Variants in TRIM66 observed in about 807,000 individuals in gnomAD.
TRIM66 encodes the protein tripartite motif containing 66, also known as tripartite motif-containing protein 66.
Under a neutral mutation model 148.2 loss-of-function variants are expected in TRIM66, and 99 were observed. The observed-to-expected ratio is 0.67, with a 90% CI of 0.57 to 0.79. The LOEUF is 0.79. Among genes scored for constraint, TRIM66 ranks in the 30% least tolerant of loss-of-function variants. The pLI, the probability that TRIM66 is intolerant of heterozygous loss-of-function variation, is 0.00. For synonymous variants in TRIM66, 616 were observed against 635.9 expected, an observed-to-expected ratio of 0.97 and a Z score of 0.47; for missense variants, 1,666 against 1,697.9, an observed-to-expected ratio of 0.98 and a Z score of 0.33.
At chr11:8,653,090 C>T (rs978839144) in intron 6 of TRIM66, among the ~76,000 whole-genome samples, 3 of 152,178 alleles carry the variant, frequency 2.0e-5, no homozygotes. Flanking sequence ...ATCCTATTCA[C>T]AGTAATGCAA....
Position 8,682,630 on chromosome 11 carries a change from C to A in TRIM66, c.-577G>T, listed in dbSNP as rs972336283. 15 of 688,852 alleles carry A rather than the reference C, an allele frequency of 2.2e-5. No homozygotes were observed. Among genetic ancestry groups the A allele is most frequent in the African/African-American group, 7.2e-5 (4 of 55,458 alleles). 42.7% of individuals were successfully genotyped at this position (688,852 alleles called of 1,614,324 possible). A position where few individuals can be genotyped will look rare whatever the true frequency, so the allele number is the denominator to read the frequency against. On this transcript the variant is annotated 5_prime_UTR_variant, in exon 1 of 25. Coordinates refer to ENST00000646038, the MANE Select transcript of TRIM66 (RefSeq NM_001388022.1). ...ACCGTACACCGCCACCAGGACACTC[C>A]GTGATGGGGGATCACCACCCTCAGA...
At chr11:8,654,916 A>C (rs1221531175) in intron 6 of TRIM66, among the ~76,000 whole-genome samples, 1 of 152,066 alleles carries the variant, frequency 6.6e-6, no homozygotes, top group Non-Finnish European at 1.5e-5. Context: ...GGTGGACTGC[A>C]GCGGCACAAT....
chr11:8,679,714 CG>C lies in TRIM66; in HGVS notation c.-285del. On this transcript the variant is annotated 5_prime_UTR_variant, in exon 3 of 25. In the 5' UTR this introduces an upstream ATG that the reference lacks. Transcript: ENST00000646038. ...GCCAGTTTTGATGTCAAATAGACGA[CG>C]ATGTCTTCTTTGATCTCCCCTCCTA... The C allele has an allele frequency of 6.5e-6, 1 of 152,762 alleles. No individual in the cohort carries two copies. The highest frequency in any genetic ancestry group is 1.9e-4 in the East Asian group (1 of 5,180). The allele number at this position is 152,762 out of a possible 1,614,324, so 9.5% of individuals were successfully genotyped here.
Position 8,626,677 on chromosome 11 carries a change from T to C in TRIM66, c.2311-1449A>G, listed in dbSNP as rs565505802. Reference sequence around the variant, plus strand: ...GTAGCCTCTTCAATGGAGAAGTATTTTCAAAACACGGATCCGATCACATCA... The same window carrying C: ...GTAGCCTCTTCAATGGAGAAGTATTCTCAAAACACGGATCCGATCACATCA... On this transcript the variant is annotated intron_variant, in intron 15 of 24. Coordinates refer to ENST00000646038, the MANE Select transcript of TRIM66 (RefSeq NM_001388022.1). Among the ~76,000 whole-genome samples, 1,036 of 152,304 alleles carry C rather than the reference T, an allele frequency of 6.8e-3. 6 individuals are homozygous for C. Among genetic ancestry groups the C allele is most frequent in the Middle Eastern group, 0.034 (10 of 294 alleles).
intron 15 of TRIM66, among the ~76,000 whole-genome samples, chr11:8,628,285 A>C (rs544001824): frequency 6.6e-6 from 1 of 152,128 alleles, no homozygotes; most frequent in South Asian, 2.1e-4. Flanking sequence ...TTTCATCACT[A>C]AGTAGATTTG....
At chr11:8,664,975 A>C (rs2038497998) in intron 6 of TRIM66, among the ~76,000 whole-genome samples, 1 of 152,150 alleles carries the variant, frequency 6.6e-6, no homozygotes, top group African/African-American at 2.4e-5. Flanking sequence ...AGCAAGTAGG[A>C]GAAACAGGTT....
At chr11:8,678,729 T>C (rs544852988) in intron 3 of TRIM66, among the ~76,000 whole-genome samples, 34 of 152,304 alleles carry the variant, frequency 2.2e-4, no homozygotes, top group African/African-American at 8.2e-4. Context: ...AATGTCCACA[T>C]CTAAAGATGG....
intron 6 of TRIM66, among the ~76,000 whole-genome samples, chr11:8,656,555 A>G (rs2037846962): frequency 6.6e-6 from 1 of 152,234 alleles, no homozygotes; most frequent in African/African-American, 2.4e-5. Context: ...AACGGAGGAC[A>G]TTTAGTCCAT....
rs895450583 is a variant in TRIM66, at chr11:8,648,505, T to C, written c.636A>G (p.Leu212=). ...ATAGCTTGAGTACTTCCTGTGTGTG[T>C]AGAGGACAATACAAGGTGAAGTCTC... ...GPGDFTLYCP[L]HTQEVLKLFC... Residue 212 remains leucine (L), a synonymous_variant, in exon 9 of 25, where the codon CTA becomes CTG. Coordinates refer to ENST00000646038, the MANE Select transcript of TRIM66 (RefSeq NM_001388022.1). The C allele has an allele frequency of 3.2e-6, 5 of 1,551,612 alleles. No individual in the cohort carries two copies. The highest frequency in any genetic ancestry group is 1.4e-5 in the African/African-American group (1 of 73,050).
rs911999584 is a variant in TRIM66 at position 8,646,574 on chromosome 11, T to C, written c.843-13A>G. On this transcript the variant is annotated splice_polypyrimidine_tract_variant and intron_variant, in intron 10 of 24. Transcript: ENST00000646038. ...CACTTCAAAAATCCTGTAAACACAA[T>C]GGGACAAACCATGGTAAGCTTTCCT... 13 of 1,542,996 alleles carry C rather than the reference T, an allele frequency of 8.4e-6. No homozygotes were observed. Among genetic ancestry groups the C allele is most frequent in the African/African-American group, 1.4e-5 (1 of 72,878 alleles).
rs908762576 is a variant in TRIM66, at chr11:8,672,020, T to C, written c.106A>G (p.Met36Val). Reference protein sequence around the residue: ...SGKAPVLGTGMAVDMGMSFMG... With the variant: ...SGKAPVLGTGVAVDMGMSFMG... Reference sequence around the variant, plus strand: ...AAGCTCATGCCCATGTCCACAGCCATGCCTGTGCCCAGGACTGGGGCTTTT... The same window carrying C: ...AAGCTCATGCCCATGTCCACAGCCACGCCTGTGCCCAGGACTGGGGCTTTT... The change falls in exon 6 of 25, where the codon ATG becomes GTG. Residue 36 changes from methionine (M) to valine (V), a missense_variant. By Grantham distance (21) the Met-to-Val change is conservative. Around this residue, in one of 3 missense-constraint regions of TRIM66, gnomAD observed 1,431 missense variants for 1,412.4 expected, o/e 1.01. Transcript: ENST00000646038. The C allele has an allele frequency of 4.6e-6, 7 of 1,535,864 alleles. No individual in the cohort carries two copies. The highest frequency in any genetic ancestry group is 1.7e-4 in the Middle Eastern group (1 of 6,000).
rs191033096 is a variant in TRIM66 at position 8,681,446 on chromosome 11, T to C, written c.-548+1155A>G. On this transcript the variant is annotated intron_variant, in intron 1 of 24. Transcript: ENST00000646038. The stretch of plus-strand genomic sequence containing the variant: ...CCACGCCCGGCCAGAATTTTGGATA[T>C]TTTAGCTAAAATATATTTTAGCTGA... 2.2e-4 allele frequency among the ~76,000 whole-genome samples: 34 copies of C among 152,282 alleles called. No individual in the cohort carries two copies. In the East Asian group the frequency reaches 6.4e-3, roughly 28 times the overall value.
chr11:8,660,456 G>T (rs2038169084), intron 6 of TRIM66, among the ~76,000 whole-genome samples: 1 of 152,164 alleles, frequency 6.6e-6, no homozygotes, highest in African/African-American at 2.4e-5. Flanking sequence ...ACCTAAAACA[G>T]GGGTCAGAAA....
At chr11:8,656,166 T>C (rs994297912) in intron 6 of TRIM66, among the ~76,000 whole-genome samples, 1 of 152,244 alleles carries the variant, frequency 6.6e-6, no homozygotes, top group Non-Finnish European at 1.5e-5. Context: ...AGATTCTCCA[T>C]CTTTTAATGA....
At chr11:8,653,004 C>T (rs1457503535) in intron 6 of TRIM66, among the ~76,000 whole-genome samples, 1 of 152,198 alleles carries the variant, frequency 6.6e-6, no homozygotes, top group Admixed American at 6.5e-5. Flanking sequence ...TTGCTGTGCA[C>T]ATTAAATTAG....
Position 8,643,081 on chromosome 11 carries a change from C to G in TRIM66, c.1150G>C (p.Asp384His). Residue 384 changes from aspartate to histidine, a missense_variant, in exon 13 of 25, where the codon GAT (aspartate) becomes CAT (histidine). Coordinates refer to ENST00000646038, the MANE Select transcript of TRIM66 (RefSeq NM_001388022.1). ...QRLLETSCNT[D>H]PGSPWSIRFT... is the part of the protein sequence containing the mutation. ...CTGATACTCCAAGGGGAGCCAGGAT[C>G]TGTGTTACAACTTGTCTCCAGCAAT... 1 of 1,551,386 alleles carries G rather than the reference C, an allele frequency of 6.4e-7. No individual in the cohort carries two copies. Among genetic ancestry groups the G allele is most frequent in the Non-Finnish European group, 8.7e-7 (1 of 1,146,902 alleles).
chr11:8,651,266 G>C (rs942586031), intron 7 of TRIM66, among the ~76,000 whole-genome samples: 2 of 152,054 alleles, frequency 1.3e-5, no homozygotes, highest in African/African-American at 4.8e-5. Flanking sequence ...AAGTAAATTA[G>C]TAAATTACTA....
rs1427497534 is a variant in TRIM66 at position 8,645,836 on chromosome 11, T to C, written c.1009A>G (p.Met337Val). Residue 337 changes from methionine to valine, a missense_variant, in exon 12 of 25, where the codon ATG becomes GTG. Met to Val is a conservative substitution (Grantham distance 21). Transcript: ENST00000646038. The part of the protein sequence containing the change: ...RKLEQQLQSI[M>V]VLNRQFEHVQ... The stretch of plus-strand genomic sequence containing the variant: ...TGCTCAAACTGACGGTTGAGAACCA[T>C]GATGCTCTGTAACTGCTGTTCCAGC... 5 of 1,551,744 alleles carry C rather than the reference T, an allele frequency of 3.2e-6. No homozygotes were observed. Among genetic ancestry groups the C allele is most frequent in the Non-Finnish European group, 4.4e-6 (5 of 1,147,006 alleles).
intron 6 of TRIM66, among the ~76,000 whole-genome samples, chr11:8,654,972 C>T (rs570422279): frequency 2.0e-5 from 3 of 152,144 alleles, no homozygotes; most frequent in Admixed American, 6.5e-5. Context: ...GCAATTATCC[C>T]GCCTCAGCCT....
Sources: allele counts gnomAD v4.1 joint callset (sites outside exome capture counted in the v4.1 genomes callset), GRCh38; gene constraint gnomAD v4.1.1; regional missense constraint gnomAD v4.1.1; transcripts MANE v1.5; gene names NCBI Gene and HGNC (gene_info 2026-07-23, HGNC 2026-07-21).